ATP9B: variants seen among roughly 807,000 people sequenced by gnomAD.
ATP9B encodes ATPase phospholipid transporting 9B.
ATP9B carries 110 observed loss-of-function variants against 146.1 expected under a neutral mutation model. The observed-to-expected ratio is 0.75, with a 90% CI of 0.65 to 0.88. The LOEUF is 0.88. ATP9B is among the 40% of genes least tolerant of loss of function. The pLI is 0.00. For synonymous variants in ATP9B, 604 were observed against 569.7 expected (o/e 1.06, Z -0.86); for missense variants, 1,499 against 1,496.4 (o/e 1.00, Z -0.03).
chr18:79,289,869 G>T (rs909516108), intron 13 of ATP9B, among the ~76,000 whole-genome samples: 2 of 152,196 alleles, frequency 1.3e-5, no homozygotes, highest in South Asian at 2.1e-4. Flanking sequence ...GAGCTTGCTG[G>T]AGGTCCACTC....
intron 12 of ATP9B, among the ~76,000 whole-genome samples, chr18:79,269,913 G>C (rs1472378888): frequency 5.3e-5 from 8 of 152,204 alleles, no homozygotes; most frequent in Admixed American, 4.6e-4. Flanking sequence ...GTTTTACTGA[G>C]GTTAGTGTTA....
intron 2 of ATP9B, among the ~76,000 whole-genome samples, chr18:79,108,552 T>G (rs1490110555): frequency 6.6e-6 from 1 of 152,354 alleles, no homozygotes; most frequent in South Asian, 2.1e-4. Flanking sequence ...TGTTCCACTC[T>G]TGCAAAGCTC....
intron 19 of ATP9B, among the ~76,000 whole-genome samples, chr18:79,338,644 T>G (rs1568743860): frequency 6.6e-6 from 1 of 152,254 alleles, no homozygotes; most frequent in Admixed American, 6.5e-5. Flanking sequence ...CCCACCGACC[T>G]GCTCTCTGGC....
chr18:79,239,849 T>C lies in ATP9B; in HGVS notation c.1108-13532T>C, dbSNP rs2095872656. Among the ~76,000 whole-genome samples the C allele has an allele frequency of 6.6e-6, 1 of 152,238 alleles. No homozygotes were observed. Among genetic ancestry groups the C allele is most frequent in the African/African-American group, 2.4e-5 (1 of 41,468 alleles). On this transcript the variant is annotated intron_variant, in intron 11 of 29. Coordinates refer to ENST00000426216, the MANE Select transcript of ATP9B (RefSeq NM_198531.5). This position sits in a 1 kb window ranked among gnomAD's most constrained non-coding sequence, Gnocchi z 5.1. ...ACGGAGGCGTTACTGAAGAGGCATC[T>C]GAATGTGGCTGGGAGAGCATGGTTC... is the stretch of plus-strand genomic sequence containing the variant.
At chr18:79,083,644 C>G (rs2073498740) in intron 1 of ATP9B, among the ~76,000 whole-genome samples, 1 of 152,050 alleles carries the variant, frequency 6.6e-6, no homozygotes, top group East Asian at 1.9e-4. Context: ...TCAGTGCTTC[C>G]CTTGGCTAGG....
chr18:79,134,861 T>C (rs905802103), intron 5 of ATP9B, among the ~76,000 whole-genome samples: 2 of 152,232 alleles, frequency 1.3e-5, no homozygotes, highest in African/African-American at 2.4e-5. Context: ...CCTGATCTTT[T>C]GTGATTTTTA....
chr18:79,367,017 C>T (rs189263965), intron 26 of ATP9B, among the ~76,000 whole-genome samples: 59 of 151,016 alleles, frequency 3.9e-4, no homozygotes, highest in Non-Finnish European at 6.5e-4. Flanking sequence ...TCACCTCCAC[C>T]GTGTGTACGC....
intron 11 of ATP9B, among the ~76,000 whole-genome samples, chr18:79,252,360 G>A (rs2145055393): frequency 6.6e-6 from 1 of 152,072 alleles, no homozygotes; most frequent in Admixed American, 6.5e-5. Context: ...CCTAAATCCA[G>A]AGTCCCGAGG....
At chr18:79,138,910 A>G (rs2094479805) in intron 5 of ATP9B, among the ~76,000 whole-genome samples, 1 of 152,172 alleles carries the variant, frequency 6.6e-6, no homozygotes, top group Non-Finnish European at 1.5e-5. Flanking sequence ...TCTACAAAAA[A>G]TACAAAAATT....
chr18:79,144,692 A>G (rs2094555877), intron 6 of ATP9B: 2 of 152,320 alleles, frequency 1.3e-5, no homozygotes, highest in South Asian at 4.2e-4. Flanking sequence ...TACAATGCAA[A>G]TGCTATCTAA....
At chr18:79,125,840 T>C (rs943959176) in intron 4 of ATP9B, among the ~76,000 whole-genome samples, 1 of 152,210 alleles carries the variant, frequency 6.6e-6, no homozygotes, top group African/African-American at 2.4e-5. Flanking sequence ...CTGGGAATTG[T>C]TTTGTGTTCC....
At chr18:79,376,220 A>G in intron 29 of ATP9B, 1 of 856,806 alleles carries the variant, frequency 1.2e-6, no homozygotes, top group East Asian at 1.6e-4. Flanking sequence ...CACACAAAAC[A>G]AAACAAAAAA....
intron 7 of ATP9B, among the ~76,000 whole-genome samples, chr18:79,163,857 TATTTTATTTTATAC>T: frequency 7.5e-6 from 1 of 133,442 alleles, no homozygotes; most frequent in Non-Finnish European, 1.6e-5. Flanking sequence ...TTTATTTTCA[TATTTTATTTTATAC>T]ACACACACAC....
chr18:79,136,277 T>C (rs186010010), intron 5 of ATP9B, among the ~76,000 whole-genome samples: 60 of 152,352 alleles, frequency 3.9e-4, no homozygotes, highest in Admixed American at 2.3e-3. Flanking sequence ...TTTAATAATA[T>C]TTAATCTTTT....
intron 1 of ATP9B, among the ~76,000 whole-genome samples, chr18:79,071,370 G>A (rs1313565767): frequency 2.0e-5 from 2 of 99,526 alleles, no homozygotes; most frequent in African/African-American, 3.4e-5. Flanking sequence ...TACCACATAC[G>A]CATATTTCCC....
At chr18:79,252,273 A>G (rs983209957) in intron 11 of ATP9B, among the ~76,000 whole-genome samples, 13 of 152,144 alleles carry the variant, frequency 8.5e-5, no homozygotes, top group Non-Finnish European at 1.5e-4. Context: ...CAGAATCCCT[A>G]TTTTACAGAT....
intron 11 of ATP9B, among the ~76,000 whole-genome samples, chr18:79,215,253 C>CA (rs147519697): frequency 2.8e-3 from 421 of 151,926 alleles, no homozygotes; most frequent in African/African-American, 9.9e-3. Context: ...AACATATCAC[C>CA]AACCCTATAA....
intron 26 of ATP9B, among the ~76,000 whole-genome samples, chr18:79,370,662 A>G: frequency 6.6e-6 from 1 of 152,072 alleles, no homozygotes; most frequent in South Asian, 2.1e-4. Flanking sequence ...TGTTTTTTGT[A>G]CCCATTCTGT....
intron 13 of ATP9B, among the ~76,000 whole-genome samples, chr18:79,301,647 T>C (rs2096591478): frequency 6.6e-6 from 1 of 152,182 alleles, no homozygotes; most frequent in African/African-American, 2.4e-5. Context: ...TTAAACTGCC[T>C]CTCATGTAAT....
Sources: allele counts gnomAD v4.1 joint callset (sites outside exome capture counted in the v4.1 genomes callset), GRCh38; gene constraint gnomAD v4.1.1; non-coding constraint Gnocchi (gnomAD v3.1); transcripts MANE v1.5; gene names NCBI Gene and HGNC (gene_info 2026-07-23, HGNC 2026-07-21).